COG6: variants seen among roughly 807,000 people sequenced by gnomAD.
The protein encoded by COG6 is component of oligomeric golgi complex 6.
COG6 carries 74 observed loss-of-function variants against 88.8 expected under a neutral mutation model. The ratio of observed to expected loss-of-function variants is 0.83; its 90% CI spans 0.69 to 1.01. COG6 has a LOEUF of 1.01. Ranked by LOEUF, COG6 falls within the 50% of genes least tolerant of loss-of-function variation. COG6 has a pLI of 0.00. For missense variants in COG6, 800 were observed against 797.9 expected (o/e 1.00, Z -0.03); for synonymous variants, 286 against 278.7 (o/e 1.03, Z -0.26).
At chr13:39,727,219 C>T (rs1256874229) in intron 17 of COG6, among the ~76,000 whole-genome samples, 1 of 151,962 alleles carries the variant, frequency 6.6e-6, no homozygotes, top group East Asian at 1.9e-4. Flanking sequence ...GTGAGGAAGA[C>T]TAAAATGAAT....
intron 4 of COG6, among the ~76,000 whole-genome samples, chr13:39,666,798 T>TA (rs1875300173): frequency 6.6e-6 from 1 of 152,190 alleles, no homozygotes; most frequent in Non-Finnish European, 1.5e-5. Flanking sequence ...TTCTGTCTTA[T>TA]AAAAACATTG....
At chr13:39,744,930 G>A (rs868229291) in intron 18 of COG6, among the ~76,000 whole-genome samples, 1 of 152,042 alleles carries the variant, frequency 6.6e-6, no homozygotes, top group African/African-American at 2.4e-5. Context: ...CAGAACAGAG[G>A]CCTCAGAAAT....
chr13:39,660,013 T>C (rs1054167439), intron 2 of COG6, among the ~76,000 whole-genome samples: 27 of 152,192 alleles, frequency 1.8e-4, no homozygotes, highest in African/African-American at 6.5e-4. Context: ...ATTATATCTT[T>C]ATTATGTAAT....
intron 11 of COG6, among the ~76,000 whole-genome samples, chr13:39,694,359 C>T (rs978394020): frequency 6.6e-6 from 1 of 151,692 alleles, no homozygotes; most frequent in African/African-American, 2.4e-5. Context: ...TGATAAATCT[C>T]AAATGATCTC....
At chr13:39,731,562 T>TA (rs1315609893) in intron 18 of COG6, among the ~76,000 whole-genome samples, 1 of 152,244 alleles carries the variant, frequency 6.6e-6, no homozygotes, top group Non-Finnish European at 1.5e-5. Context: ...GAGTCACAGT[T>TA]ACTTCCATAA....
At chr13:39,769,775 A>T (rs1593482875) in intron 18 of COG6, among the ~76,000 whole-genome samples, 1 of 151,678 alleles carries the variant, frequency 6.6e-6, no homozygotes, top group Non-Finnish European at 1.5e-5. Flanking sequence ...TGGATCCCTC[A>T]TGAAAGGGTT....
chr13:39,682,569 A>G, intron 8 of COG6: 1 of 290,364 alleles, frequency 3.4e-6, no homozygotes, highest in Non-Finnish European at 6.6e-6. Flanking sequence ...AATTGTAAGT[A>G]ACTAAAACTC....
chr13:39,688,275 A>T (rs927861721), intron 10 of COG6, among the ~76,000 whole-genome samples: 1 of 152,140 alleles, frequency 6.6e-6, no homozygotes, highest in African/African-American at 2.4e-5. Context: ...TAAGACAATT[A>T]TCATATCTGT....
At chr13:39,772,174 A>G (rs1472561483) in intron 18 of COG6, among the ~76,000 whole-genome samples, 2 of 152,162 alleles carry the variant, frequency 1.3e-5, no homozygotes, top group African/African-American at 4.8e-5. Context: ...ATCTCTGCTC[A>G]CATTGTTTCC....
At position 39,688,702 on chromosome 13, in the gene COG6, A is replaced by T. The variant is rs1037040954; in HGVS notation, c.1009+903A>T. Reference sequence around the variant, plus strand: ...ACCATATGTACTAAATGTACTTAAAATTTTTGTCTTGATGTCAAGGAAGAA... The same window carrying T: ...ACCATATGTACTAAATGTACTTAAATTTTTTGTCTTGATGTCAAGGAAGAA... On this transcript the variant is annotated intron_variant, in intron 10 of 18. Coordinates refer to ENST00000455146, the MANE Select transcript of COG6 (RefSeq NM_020751.3). Among the ~76,000 whole-genome samples, 3 of 152,166 alleles carry T rather than the reference A, an allele frequency of 2.0e-5. No homozygotes were observed. In the South Asian group the frequency reaches 6.2e-4, roughly 32 times the overall value.
intron 13 of COG6, among the ~76,000 whole-genome samples, chr13:39,703,965 C>A (rs988329868): frequency 6.6e-6 from 1 of 151,742 alleles, no homozygotes; most frequent in East Asian, 1.9e-4. Context: ...AACTACTGGC[C>A]TCAGGTGATC....
chr13:39,768,749 A>G (rs1881237201), intron 18 of COG6, among the ~76,000 whole-genome samples: 1 of 151,862 alleles, frequency 6.6e-6, no homozygotes, highest in African/African-American at 2.4e-5. Flanking sequence ...ATTATATATC[A>G]TAATATATAT....
rs1209654009 is a variant in COG6, at chr13:39,701,090, C to T, written c.1284+1472C>T. On this transcript the variant is annotated intron_variant, in intron 13 of 18. Transcript: ENST00000455146. ...TAGGAAAATTAAAGGAGTATTGAAA[C>T]TGTTTTTATTCATACATGATCTAAG... Among the ~76,000 whole-genome samples the T allele has an allele frequency of 2.6e-5, 4 of 151,734 alleles. No individual in the cohort carries two copies. In the East Asian group the frequency reaches 5.8e-4, roughly 22 times the overall value.
chr13:39,677,568 C>T lies in COG6; in HGVS notation c.529C>T (p.Pro177Ser). 2 of 1,595,532 alleles carry T rather than the reference C, an allele frequency of 1.3e-6. No individual in the cohort carries two copies. Among genetic ancestry groups the T allele is most frequent in the Non-Finnish European group, 1.7e-6 (2 of 1,163,606 alleles). ...TCTTCTCCGAGGTACAAGAGAAGGA[C>T]CCATTACTGAGGTATCCTGGCTTTC... is the stretch of plus-strand genomic sequence containing the variant. ...MSLLRGTREG[P>S]ITEDFFKALG... The change falls in exon 5 of 19, where the codon CCC (proline) becomes TCC (serine). Residue 177 changes from proline (P) to serine (S), a missense_variant. By Grantham distance (74) the Pro-to-Ser change is moderately conservative. Transcript: ENST00000455146.
chr13:39,782,631 A>G (rs530304927), intron 18 of COG6, among the ~76,000 whole-genome samples: 67 of 152,130 alleles, frequency 4.4e-4, no homozygotes, highest in Non-Finnish European at 7.5e-4. Flanking sequence ...TGAGAGCTAC[A>G]CCTGTCCTTG....
At chr13:39,788,496 T>C (rs1225897041) in exon 19 of COG6, 3 of 731,108 alleles carry the variant, frequency 4.1e-6, no homozygotes, top group Non-Finnish European at 7.0e-6. Context: ...GTCTACTCTG[T>C]GACTCTTCAT....
intron 18 of COG6, among the ~76,000 whole-genome samples, chr13:39,763,423 A>T (rs1420996670): frequency 4.0e-5 from 6 of 151,772 alleles, no homozygotes; most frequent in Non-Finnish European, 8.9e-5. Context: ...TTTTTCCAAA[A>T]TGTGGGGAAG....
intron 18 of COG6, chr13:39,788,309 C>A: frequency 6.4e-7 from 1 of 1,551,480 alleles, no homozygotes. Flanking sequence ...GCAACATTGT[C>A]TTTGATTGTT....
intron 18 of COG6, among the ~76,000 whole-genome samples, chr13:39,745,715 C>T (rs562801660): frequency 4.6e-5 from 7 of 151,876 alleles, no homozygotes; most frequent in African/African-American, 7.3e-5. Context: ...TTTTTTGACC[C>T]GGTGAATCCA....
Sources: allele counts gnomAD v4.1 joint callset (sites outside exome capture counted in the v4.1 genomes callset), GRCh38; gene constraint gnomAD v4.1.1; transcripts MANE v1.5; gene names NCBI Gene and HGNC (gene_info 2026-07-23, HGNC 2026-07-21).